The following CHMP7 variants were observed in gnomAD, a reference collection of about 807,000 sequenced individuals.
CHMP7 encodes the protein CHMP family, member 7.
Under a neutral mutation model 53.7 loss-of-function variants are expected in CHMP7, and 15 were observed. The observed-to-expected ratio is 0.28, with a 90% CI of 0.19 to 0.43. The LOEUF (loss-of-function observed/expected upper bound fraction) is 0.43, where lower values mean the gene tolerates loss of function less well. Ranked by LOEUF, CHMP7 falls within the 20% of genes least tolerant of loss-of-function variation. The probability of loss-of-function intolerance (pLI) is 1.00; values close to 1 mark genes in which losing one functional copy is unlikely to be tolerated. For synonymous variants in CHMP7, 261 were observed against 228.0 expected (o/e 1.14, Z -1.30); for missense variants, 527 against 569.4 (o/e 0.93, Z 0.76).
At position 23,257,239 on chromosome 8, in the gene CHMP7, A is replaced by C. The variant is rs913197031; in HGVS notation, c.791+646A>C. ...AGCCTCCTGAGTAGCTGGGACCACA[A>C]GTGTGCACCACCATGCCTGGCTAAT... is the stretch of plus-strand genomic sequence containing the variant. On this transcript the variant is annotated intron_variant, in intron 5 of 10. Coordinates refer to ENST00000397677, the MANE Select transcript of CHMP7 (RefSeq NM_152272.5). Among the ~76,000 whole-genome samples, 7 of 151,676 alleles carry C rather than the reference A, an allele frequency of 4.6e-5. No individual in the cohort carries two copies. The South Asian group carries it at 6.3e-4, about 14-fold the overall frequency.
rs200709918 is a variant in CHMP7, at chr8:23,246,900, G to T, written c.205G>T (p.Val69Leu). ...GCTGAGCCACAGCCGCCGCCAGGGGGTGGTGCGCCTGCGTCTGCGGGACTT... is the reference window on the plus strand; with the variant it reads ...GCTGAGCCACAGCCGCCGCCAGGGGTTGGTGCGCCTGCGTCTGCGGGACTT... ...LVLSHSRRQG[V>L]VRLRLRDLQE... The change falls in exon 2 of 11, where the codon GTG becomes TTG. Residue 69 changes from valine to leucine, a missense_variant. Transcript: ENST00000397677. 2.6e-4 allele frequency: 415 copies of T among 1,582,338 alleles called. 2 individuals carry two copies. The highest frequency in any genetic ancestry group is 5.2e-4 in the Middle Eastern group (3 of 5,760).
intron 3 of CHMP7, 56 bp from the exon 4 acceptor site, chr8:23,255,191 C>A: frequency 6.3e-7 from 1 of 1,579,906 alleles, no homozygotes; most frequent in Non-Finnish European, 8.7e-7. Flanking sequence ...GGGTCAGGGT[C>A]CCTGCATCCC....
chr8:23,256,499 C>T lies in CHMP7; in HGVS notation c.697C>T (p.Pro233Ser). Residue 233 changes from proline (P) to serine (S), a missense_variant, in exon 5 of 11, where the codon CCA becomes TCA. By Grantham distance (74) the Pro-to-Ser change is moderately conservative. Coordinates refer to ENST00000397677, the MANE Select transcript of CHMP7 (RefSeq NM_152272.5). ...FARGPRAKVSPVNDVDVGVYQ... is the reference protein window; with the variant it reads ...FARGPRAKVSSVNDVDVGVYQ... ...CCGAGGGCCACGTGCCAAGGTCTCT[C>T]CAGTCAATGACGTAGATGTTGGGGT... 1 of 1,608,730 alleles carries T rather than the reference C, an allele frequency of 6.2e-7. No individual in the cohort carries two copies. The highest frequency in any genetic ancestry group is 1.1e-5 in the South Asian group (1 of 90,982).
rs573306655 is a variant in CHMP7 at position 23,260,581 on chromosome 8, G to A, written c.1344G>A (p.Pro448=). Reference sequence around the variant, plus strand: ...AATCTCCAAAAAGGCAATTGGAACCGACTCTAAAGCCATTGTAGGACCCTC... The same window carrying A: ...AATCTCCAAAAAGGCAATTGGAACCAACTCTAAAGCCATTGTAGGACCCTC... ...SSKSPKRQLE[P]TLKPL The change falls in exon 11 of 11, where the codon CCG becomes CCA. Residue 448 remains proline (P), a synonymous_variant. Transcript: ENST00000397677. The A allele has an allele frequency of 1.1e-5, 18 of 1,613,852 alleles. No individual in the cohort carries two copies. Among genetic ancestry groups the A allele is most frequent in the South Asian group, 2.2e-5 (2 of 91,084 alleles).
chr8:23,244,532 C>T (rs1162418240), intron 1 of CHMP7, among the ~76,000 whole-genome samples: 2 of 152,190 alleles, frequency 1.3e-5, no homozygotes, highest in African/African-American at 4.8e-5. Flanking sequence ...ACCACACTAT[C>T]TTGATTACTG....
At position 23,260,161 on chromosome 8, in the gene CHMP7, C is replaced by T. The variant is rs1381324040; in HGVS notation, c.1138C>T (p.Leu380=). ...TNGLDFDSEE[L]EKELDILLQD... ...CTTTCCAGATTTTGACAGTGAAGAA[C>T]TGGAGAAGGAATTGGACATCCTCCT... Residue 380 remains leucine (L), a synonymous_variant, in exon 10 of 11, where the codon CTG becomes TTG. Coordinates refer to ENST00000397677, the MANE Select transcript of CHMP7 (RefSeq NM_152272.5). 6.2e-7 allele frequency: 1 copy of T among 1,614,020 alleles called. No individual in the cohort carries two copies. The highest frequency in any genetic ancestry group is 8.5e-7 in the Non-Finnish European group (1 of 1,179,932).
chr8:23,258,634 A>T, intron 7 of CHMP7, 98 bp from the exon 8 acceptor site: 2 of 1,242,394 alleles, frequency 1.6e-6, no homozygotes, highest in South Asian at 2.6e-5. Context: ...TGGGTGCCAA[A>T]AAAAACACCC....
chr8:23,248,116 G>A (rs1353676091), intron 2 of CHMP7: 2 of 456,130 alleles, frequency 4.4e-6, no homozygotes, highest in East Asian at 7.0e-5. Context: ...CCTGGCCAAC[G>A]AGGCTTTCTG....
At chr8:23,259,272 C>A (rs1385569053) in intron 9 of CHMP7, 146 bp downstream of exon 9, 3 of 475,668 alleles carry the variant, frequency 6.3e-6, no homozygotes, top group Non-Finnish European at 1.1e-5. Context: ...GGGTTCACGC[C>A]ATTCTCCTGC....
chr8:23,257,809 A>G (rs1427228697), intron 5 of CHMP7, among the ~76,000 whole-genome samples: 1 of 152,238 alleles, frequency 6.6e-6, no homozygotes, highest in Non-Finnish European at 1.5e-5. Context: ...CTGTGGGTTG[A>G]AAAAGCTTAT....
intron 2 of CHMP7, among the ~76,000 whole-genome samples, chr8:23,247,483 C>T (rs1479527596): frequency 2.6e-5 from 4 of 152,146 alleles, no homozygotes; most frequent in Non-Finnish European, 4.4e-5. Context: ...TTGGCACAGG[C>T]TTTTTGGAGC....
intron 8 of CHMP7, 62 bp from the exon 9 acceptor site, chr8:23,259,004 C>T: frequency 8.3e-7 from 1 of 1,200,368 alleles, no homozygotes; most frequent in Non-Finnish European, 1.2e-6. Context: ...TATTTTCCAC[C>T]AAAGACTGAG....
At chr8:23,245,629 T>C (rs762011095) in intron 1 of CHMP7, among the ~76,000 whole-genome samples, 1 of 152,254 alleles carries the variant, frequency 6.6e-6, no homozygotes. Flanking sequence ...GGGTAATCCT[T>C]GCCTCATAGG....
chr8:23,256,849 G>A (rs1802152419), intron 5 of CHMP7, among the ~76,000 whole-genome samples: 1 of 140,396 alleles, frequency 7.1e-6, no homozygotes, highest in South Asian at 2.2e-4. Flanking sequence ...CTGGAGTGCA[G>A]TGGTGCGATC....
intron 5 of CHMP7, among the ~76,000 whole-genome samples, chr8:23,257,482 A>G (rs559000355): frequency 6.6e-6 from 1 of 152,292 alleles, no homozygotes. Flanking sequence ...CATTCAACTA[A>G]TATTTATTGA....
chr8:23,255,034 G>A (rs1802068951), intron 3 of CHMP7: 1 of 594,954 alleles, frequency 1.7e-6, no homozygotes, highest in Admixed American at 2.8e-5. Flanking sequence ...AGCATCTCAT[G>A]TGCCTCATTT....
Position 23,260,243 on chromosome 8 carries a change from T to C in CHMP7, c.1220T>C (p.Phe407Ser), listed in dbSNP as rs1279889971. Residue 407 changes from phenylalanine to serine, a missense_variant, in exon 10 of 11, where the codon TTT (phenylalanine) becomes TCT (serine). Physicochemically the swap from Phe to Ser is radical, Grantham distance 155. Coordinates refer to ENST00000397677, the MANE Select transcript of CHMP7 (RefSeq NM_152272.5). ...CCTGACAACCCCCGCAATAGGCATTTTACCAACAGCGTGCCTAACCCTAGG... is the reference window on the plus strand; with the variant it reads ...CCTGACAACCCCCGCAATAGGCATTCTACCAACAGCGTGCCTAACCCTAGG... ...DLPDNPRNRH[F>S]TNSVPNPRIS... 6.2e-7 allele frequency: 1 copy of C among 1,614,194 alleles called. No homozygotes were observed. Among genetic ancestry groups the C allele is most frequent in the Non-Finnish European group, 8.5e-7 (1 of 1,180,028 alleles).
Position 23,250,620 on chromosome 8 carries a change from C to CTGTGTGTG in CHMP7, c.471+1277_471+1284dup, listed in dbSNP as rs59970101. 1.4e-3 allele frequency among the ~76,000 whole-genome samples: 206 copies of CTGTGTGTG among 143,378 alleles called. 2 individuals are homozygous for CTGTGTGTG. The highest frequency in any genetic ancestry group is 5.1e-3 in the African/African-American group (192 of 37,754). The allele number at this position is 143,378 out of a possible 152,430, so 94.1% of individuals were successfully genotyped here. ...CTGCTGTGGATGAGGTGATAGGGGC[C>CTGTGTGTG]TGTGTGTGTGTGTGTGTGTGTGTGT... On this transcript the variant is annotated intron_variant, in intron 3 of 10. Transcript: ENST00000397677.
At position 23,260,856 on chromosome 8, in the gene CHMP7, C is replaced by T. The variant is rs527426643; in HGVS notation, c.*257C>T. ...ACGATTTATACAGTCCTGTGTCTGACCTGTCATTTCATAGCCTGCAGTTCT... is the reference window on the plus strand; with the variant it reads ...ACGATTTATACAGTCCTGTGTCTGATCTGTCATTTCATAGCCTGCAGTTCT... On this transcript the variant is annotated 3_prime_UTR_variant, in exon 11 of 11. Transcript: ENST00000397677. The T allele has an allele frequency of 2.0e-6, 1 of 504,280 alleles. No homozygotes were observed. Among genetic ancestry groups the T allele is most frequent in the African/African-American group, 1.9e-5 (1 of 52,026 alleles). The allele number at this position is 504,280 out of a possible 1,614,324, so 31.2% of individuals were successfully genotyped here.
Sources: gnomAD v4.1 joint callset for allele counts (sites outside exome capture counted in the v4.1 genomes callset) on GRCh38, gnomAD v4.1.1 for gene constraint, MANE v1.5 for transcripts, NCBI Gene and HGNC (gene_info 2026-07-23, HGNC 2026-07-21) for gene names.